The following GGNBP2 variants were observed in gnomAD, a reference collection of about 807,000 sequenced individuals.
GGNBP2 encodes gametogenetin binding protein 2, also known as gametogenetin-binding protein 2.
In GGNBP2, 10 loss-of-function variants were observed where a neutral mutation model predicts 85.9. The ratio of observed to expected loss-of-function variants is 0.12; its 90% confidence interval spans 0.07 to 0.20. The LOEUF (loss-of-function observed/expected upper bound fraction) is 0.20, where lower values mean the gene tolerates loss of function less well. Among genes scored for constraint, GGNBP2 ranks in the 10% least tolerant of loss-of-function variants. The pLI is 1.00. For synonymous variants in GGNBP2, 287 were observed against 285.7 expected, an observed-to-expected ratio of 1.00 and a Z score of -0.05; for missense variants, 595 against 857.8, an observed-to-expected ratio of 0.69 and a Z score of 3.83.
At chr17:36,587,585 A>G (rs912975021) in intron 13 of GGNBP2, 18 of 156,044 alleles carry the variant, frequency 1.2e-4, no homozygotes, top group African/African-American at 4.5e-4. Context: ...TTGTAAAGTT[A>G]AAAAAAAAAA....
Position 36,585,982 on chromosome 17 carries a change from T to A in GGNBP2, c.1492+17T>A. On this transcript the variant is annotated intron_variant, in intron 11 of 13. Transcript: ENST00000613102. Reference sequence around the variant, plus strand: ...ATGAACACGGTAGGCTCACATTAAGTTTCCCAGTTATTTCTACTACATGGC... The same window carrying A: ...ATGAACACGGTAGGCTCACATTAAGATTCCCAGTTATTTCTACTACATGGC... 1 of 1,614,040 alleles carries A rather than the reference T, an allele frequency of 6.2e-7. No homozygotes were observed. The highest frequency in any genetic ancestry group is 8.5e-7 in the Non-Finnish European group (1 of 1,179,980).
At chr17:36,568,761 CTT>C (rs111294455) in intron 6 of GGNBP2, among the ~76,000 whole-genome samples, 5 of 143,706 alleles carry the variant, frequency 3.5e-5, no homozygotes, top group Non-Finnish European at 6.2e-5. Context: ...AAGGAATTTT[CTT>C]TTTTTTTTTT....
chr17:36,577,761 T>G, intron 6 of GGNBP2: 1 of 583,588 alleles, frequency 1.7e-6, no homozygotes, highest in Non-Finnish European at 3.1e-6. Flanking sequence ...TTAGGCTATG[T>G]GTTTCTCTAG....
chr17:36,586,251 G>A (rs1450117110), intron 12 of GGNBP2, 53 bp downstream of exon 12: 7 of 1,567,100 alleles, frequency 4.5e-6, no homozygotes, highest in Non-Finnish European at 4.3e-6. Context: ...GACAGAACAC[G>A]TGTTTTCCTT....
chr17:36,569,677 C>T (rs2074503947), intron 6 of GGNBP2, among the ~76,000 whole-genome samples: 2 of 152,094 alleles, frequency 1.3e-5, no homozygotes, highest in Admixed American at 1.3e-4. Context: ...CTTTCTTTGC[C>T]TTTTTGGTGG....
chr17:36,578,163 T>C lies in GGNBP2; in HGVS notation c.822T>C (p.Arg274=), dbSNP rs2074610246. The change falls in exon 7 of 14, where the codon CGT becomes CGC. Residue 274 remains arginine, a synonymous_variant. Coordinates refer to ENST00000613102, the MANE Select transcript of GGNBP2 (RefSeq NM_024835.5). ...ETDFIAHLLG[R]AEPEFAGGRR... Reference sequence around the variant, plus strand: ...ACTTCATTGCACATCTTTTGGGTCGTGCTGAGCCAGAGTTCGCAGGAGGGT... The same window carrying C: ...ACTTCATTGCACATCTTTTGGGTCGCGCTGAGCCAGAGTTCGCAGGAGGGT... The C allele has an allele frequency of 6.2e-7, 1 of 1,610,794 alleles. No homozygotes were observed.
chr17:36,546,256 C>G (rs2074254100), intron 2 of GGNBP2: 1 of 303,594 alleles, frequency 3.3e-6, no homozygotes, highest in South Asian at 1.5e-4. Flanking sequence ...GTAGCTCTCA[C>G]CACATAAGCT....
intron 2 of GGNBP2, among the ~76,000 whole-genome samples, chr17:36,549,118 C>T (rs1599494247): frequency 6.6e-6 from 1 of 152,268 alleles, no homozygotes; most frequent in East Asian, 1.9e-4. Context: ...AAGTTTTATA[C>T]TCTGGCTAAA....
intron 4 of GGNBP2, among the ~76,000 whole-genome samples, chr17:36,559,287 ACT>A (rs1379704380): frequency 1.5e-5 from 2 of 134,110 alleles, no homozygotes; most frequent in East Asian, 2.1e-4. Context: ...ACAGAGCGAG[ACT>A]CTGTCTCAAA....
In GGNBP2 at chr17:36,545,635, G is replaced by C; in HGVS notation, c.-90G>C. On this transcript the variant is annotated 5_prime_UTR_variant, in exon 2 of 14. Coordinates refer to ENST00000613102, the MANE Select transcript of GGNBP2 (RefSeq NM_024835.5). ...CTGTTGCAGGCAGGAGCTGGGAGGA[G>C]GCGGCAGCGGCGGCGGCAGAAACAG... is the stretch of plus-strand genomic sequence containing the variant. The C allele has an allele frequency of 1.0e-6, 1 of 991,610 alleles. No individual in the cohort carries two copies. Among genetic ancestry groups the C allele is most frequent in the Admixed American group, 2.0e-5 (1 of 48,784 alleles). 61.4% of individuals were successfully genotyped at this position (991,610 alleles called of 1,614,324 possible).
intron 13 of GGNBP2, among the ~76,000 whole-genome samples, chr17:36,588,391 G>A (rs2142796528): frequency 6.6e-6 from 1 of 152,134 alleles, no homozygotes; most frequent in Non-Finnish European, 1.5e-5. Flanking sequence ...CCGAGTAGCT[G>A]GGACTACAGG....
At chr17:36,554,343 T>C (rs377424985) in intron 2 of GGNBP2, among the ~76,000 whole-genome samples, 2 of 142,140 alleles carry the variant, frequency 1.4e-5, no homozygotes, top group Non-Finnish European at 3.0e-5. Context: ...ACTTGTCTTA[T>C]GTACTTGAAT....
At chr17:36,575,134 C>T in intron 6 of GGNBP2, 1 of 712,344 alleles carries the variant, frequency 1.4e-6, no homozygotes. Flanking sequence ...TGTGCTTGAC[C>T]AGGCGGCCCA....
chr17:36,550,302 T>G (rs1470158406), intron 2 of GGNBP2, among the ~76,000 whole-genome samples: 1 of 150,934 alleles, frequency 6.6e-6, no homozygotes, highest in Non-Finnish European at 1.5e-5. Flanking sequence ...TAGACTACTC[T>G]GATAAGAGTT....
intron 6 of GGNBP2, chr17:36,574,920 C>A: frequency 5.1e-6 from 5 of 986,388 alleles, no homozygotes; most frequent in African/African-American, 1.6e-5. Flanking sequence ...GAGCACTTAA[C>A]ACCCAGACCG....
At position 36,579,359 on chromosome 17, in the gene GGNBP2, A is replaced by G. The variant is rs111259809; in HGVS notation, c.960A>G (p.Glu320=). 9.9e-6 allele frequency: 16 copies of G among 1,614,130 alleles called. No individual in the cohort carries two copies. Among genetic ancestry groups the G allele is most frequent in the African/African-American group, 9.3e-5 (7 of 74,946 alleles). The change falls in exon 8 of 14, where the codon GAA becomes GAG. Residue 320 remains glutamate, a synonymous_variant. Coordinates refer to ENST00000613102, the MANE Select transcript of GGNBP2 (RefSeq NM_024835.5). The part of the protein sequence containing the change: ...LHRIWQKLRA[E]EQTWQMLFYL... ...GAATCTGGCAGAAGCTACGGGCAGA[A>G]GAGCAGACATGGCAGATGCTTTTCT...
intron 5 of GGNBP2, among the ~76,000 whole-genome samples, chr17:36,567,029 T>G (rs1356274393): frequency 6.6e-6 from 1 of 152,064 alleles, no homozygotes; most frequent in Non-Finnish European, 1.5e-5. Context: ...AAAAAATTAC[T>G]TGATGATGAT....
intron 6 of GGNBP2, among the ~76,000 whole-genome samples, chr17:36,569,279 G>A (rs561699088): frequency 4.3e-4 from 66 of 152,176 alleles, no homozygotes; most frequent in Admixed American, 7.9e-4. Context: ...AGGCATGGTG[G>A]CACGCACGTG....
chr17:36,579,369 T>G lies in GGNBP2; in HGVS notation c.970T>G (p.Trp324Gly). The change falls in exon 8 of 14, where the codon TGG (tryptophan) becomes GGG (glycine). Residue 324 changes from tryptophan to glycine, a missense_variant. Around this residue, in one of 9 missense-constraint regions of GGNBP2, gnomAD observed 92 missense variants for 183.9 expected, o/e 0.50. Transcript: ENST00000613102. ...GAAGCTACGGGCAGAAGAGCAGACATGGCAGATGCTTTTCTATCTTGGTGT... is the reference window on the plus strand; with the variant it reads ...GAAGCTACGGGCAGAAGAGCAGACAGGGCAGATGCTTTTCTATCTTGGTGT... ...WQKLRAEEQT[W>G]QMLFYLGVDA... The G allele has an allele frequency of 6.2e-7, 1 of 1,614,208 alleles. No homozygotes were observed. The highest frequency in any genetic ancestry group is 8.5e-7 in the Non-Finnish European group (1 of 1,180,030).
Sources: gnomAD v4.1 joint callset for allele counts (sites outside exome capture counted in the v4.1 genomes callset) on GRCh38, gnomAD v4.1.1 for gene constraint, gnomAD v4.1.1 regional missense constraint, MANE v1.5 for transcripts, NCBI Gene and HGNC (gene_info 2026-07-23, HGNC 2026-07-21) for gene names.